Variants in ARIH2 observed in about 807,000 individuals in gnomAD.
ARIH2 encodes the protein E3 ubiquitin-protein ligase ARIH2.
ARIH2 carries 12 observed loss-of-function variants against 79.8 expected under a neutral mutation model. The ratio of observed to expected loss-of-function variants is 0.15; its 90% CI spans 0.10 to 0.24. The LOEUF is 0.24. ARIH2 is among the 10% of genes least tolerant of loss of function. The pLI is 1.00. For missense variants in ARIH2, 301 were observed against 618.3 expected, an observed-to-expected ratio of 0.49 and a Z score of 5.44; for synonymous variants, 224 against 213.9, an observed-to-expected ratio of 1.05 and a Z score of -0.41.
At chr3:48,923,306 A>G (rs1253741959) in intron 2 of ARIH2, among the ~76,000 whole-genome samples, 1 of 151,940 alleles carries the variant, frequency 6.6e-6, no homozygotes, top group Non-Finnish European at 1.5e-5. Context: ...AGACTGAGGC[A>G]GGAGAATTGC....
intron 11 of ARIH2, 117 bp downstream of exon 11, chr3:48,975,096 A>C: frequency 6.4e-7 from 1 of 1,555,866 alleles, no homozygotes; most frequent in Non-Finnish European, 8.8e-7. Context: ...AACCTCAGTC[A>C]CTTAACAGTC....
intron 9 of ARIH2, 26 bp downstream of exon 9, chr3:48,973,842 G>C: frequency 6.4e-7 from 1 of 1,555,048 alleles, no homozygotes; most frequent in Non-Finnish European, 8.9e-7. Context: ...TACCTCTCAT[G>C]GATTTGCCCT....
chr3:48,956,635 T>C (rs1287962488), intron 3 of ARIH2, among the ~76,000 whole-genome samples: 4 of 150,060 alleles, frequency 2.7e-5, no homozygotes, highest in Admixed American at 6.7e-5. Flanking sequence ...GTAGTGTCTC[T>C]TACAGAAGGC....
chr3:48,949,182 A>G, intron 3 of ARIH2: 2 of 445,152 alleles, frequency 4.5e-6, no homozygotes, highest in Non-Finnish European at 9.0e-6. Flanking sequence ...CAGTGGCACG[A>G]TCTCGGCTCA....
chr3:48,975,561 A>G (rs543256275), intron 11 of ARIH2, among the ~76,000 whole-genome samples: 30 of 150,532 alleles, frequency 2.0e-4, no homozygotes, highest in Admixed American at 3.3e-4. Flanking sequence ...AGCCCCTGAC[A>G]GTTTCTTTTT....
chr3:48,976,051 C>T (rs1399621935), intron 11 of ARIH2, among the ~76,000 whole-genome samples: 2 of 151,960 alleles, frequency 1.3e-5, no homozygotes, highest in Non-Finnish European at 2.9e-5. Flanking sequence ...GCTGGGATTA[C>T]AGGCACTCAC....
intron 3 of ARIH2, among the ~76,000 whole-genome samples, chr3:48,929,054 C>A (rs559815290): frequency 2.0e-5 from 3 of 152,080 alleles, no homozygotes; most frequent in African/African-American, 4.8e-5. Flanking sequence ...CCTTGTTGAT[C>A]AATAGTTTTC....
At position 48,927,535 on chromosome 3, in the gene ARIH2, T is replaced by G. The variant is rs555165000; in HGVS notation, c.-24T>G. ...GGGGAAAAAGCAACTGCTTTCCTGA[T>G]CTGCAACTTGGCTGGATGCTAAGAT... On this transcript the variant is annotated 5_prime_UTR_variant, in exon 3 of 16. Transcript: ENST00000356401. The G allele has an allele frequency of 1.3e-4, 213 of 1,608,980 alleles. 1 individual carries two copies. The South Asian group carries it at 2.3e-3, about 17-fold the overall frequency.
chr3:48,940,808 A>AAAAAAAAAT (rs759369585), intron 3 of ARIH2, among the ~76,000 whole-genome samples: 50 of 98,056 alleles, frequency 5.1e-4, no homozygotes, highest in African/African-American at 1.9e-3. Flanking sequence ...AAAAAAAAAA[A>AAAAAAAAAT]ATATATATAT....
intron 1 of ARIH2, among the ~76,000 whole-genome samples, chr3:48,919,600 G>A (rs2084479773): frequency 6.6e-6 from 1 of 152,236 alleles, no homozygotes; most frequent in Admixed American, 6.5e-5. Context: ...GTTCAGCATG[G>A]TAGCTACTAG....
At chr3:48,938,585 C>T (rs1457228818) in intron 3 of ARIH2, among the ~76,000 whole-genome samples, 1 of 152,262 alleles carries the variant, frequency 6.6e-6, no homozygotes, top group African/African-American at 2.4e-5. Context: ...CAACAGTTGT[C>T]TGGAGGACCA....
intron 3 of ARIH2, among the ~76,000 whole-genome samples, chr3:48,936,889 A>T (rs1186300302): frequency 6.6e-6 from 1 of 151,958 alleles, no homozygotes; most frequent in South Asian, 2.1e-4. Flanking sequence ...TTAGCCGGGC[A>T]TGGTGGCAGG....
chr3:48,927,371 G>A lies in ARIH2; in HGVS notation c.-97-91G>A. On this transcript the variant is annotated intron_variant, in intron 2 of 15. Coordinates refer to ENST00000356401, the MANE Select transcript of ARIH2 (RefSeq NM_006321.4). ...TGGAATAGGCTGTAGTGAGATTAGG[G>A]CCAGGACTGTCCCATTTTGATTCTT... The A allele has an allele frequency of 3.1e-6, 2 of 655,696 alleles. 1 individual carries two copies. 40.6% of individuals were successfully genotyped at this position (655,696 alleles called of 1,614,324 possible). A position where few individuals can be genotyped will look rare whatever the true frequency, so the allele number is the denominator to read the frequency against.
chr3:48,970,972 T>C (rs2092193113), intron 8 of ARIH2: 4 of 331,878 alleles, frequency 1.2e-5, no homozygotes, highest in South Asian at 4.0e-5. Context: ...GCCCAGAGAT[T>C]GTGTGGGATG....
Position 48,979,565 on chromosome 3 carries a change from A to G in ARIH2, c.1045A>G (p.Ile349Val). The G allele has an allele frequency of 1.2e-6, 2 of 1,614,270 alleles. No homozygotes were observed. Among genetic ancestry groups the G allele is most frequent in the Non-Finnish European group, 1.7e-6 (2 of 1,180,056 alleles). The change falls in exon 12 of 16, where the codon ATC (isoleucine) becomes GTC (valine). Residue 349 changes from isoleucine (I) to valine (V), a missense_variant. Physicochemically the swap from Ile to Val is conservative, Grantham distance 29. Transcript: ENST00000356401. The stretch of plus-strand genomic sequence containing the variant: ...CAGTCGTTACAAGGAGAATCCTGAC[A>G]TCGTGAACCAGAGCCAACAAGCCCA... ...ECSRYKENPD[I>V]VNQSQQAQAR...
intron 3 of ARIH2, 104 bp downstream of exon 3, chr3:48,927,917 T>G: frequency 7.1e-7 from 1 of 1,404,786 alleles, no homozygotes; most frequent in Non-Finnish European, 9.7e-7. Flanking sequence ...GCCTTGTAGC[T>G]TGAAACCAAA....
At chr3:48,938,935 AAAAAC>A (rs2087599238) in intron 3 of ARIH2, among the ~76,000 whole-genome samples, 1 of 150,542 alleles carries the variant, frequency 6.6e-6, no homozygotes, top group East Asian at 1.9e-4. Flanking sequence ...AAAAAAAAAA[AAAAAC>A]CAACTACATA....
intron 1 of ARIH2, chr3:48,921,660 C>G (rs1270114685): frequency 6.6e-6 from 1 of 151,896 alleles, no homozygotes; most frequent in African/African-American, 2.4e-5. Context: ...TTTTGAACTC[C>G]TGAGCTGAAG....
chr3:48,959,649 CAAAAAAAAAAA>C (rs71077758), intron 3 of ARIH2, among the ~76,000 whole-genome samples: 10,114 of 50,238 alleles, frequency 0.2, 507 homozygotes, highest in Middle Eastern at 0.29. Context: ...TAAAAAATAC[CAAAAAAAAAAA>C]AAAAAAAAAA....
Sources: gnomAD v4.1 joint callset for allele counts (sites outside exome capture counted in the v4.1 genomes callset) on GRCh38, gnomAD v4.1.1 for gene constraint, MANE v1.5 for transcripts, NCBI Gene and HGNC (gene_info 2026-07-23, HGNC 2026-07-21) for gene names.